Variants in MACF1 observed in about 807,000 individuals in gnomAD.
MACF1 encodes the protein microtubule-actin cross-linking factor 1.
MACF1 carries 193 observed loss-of-function variants against 854.8 expected under a neutral mutation model. That is an observed-to-expected ratio of 0.23 (90% confidence interval 0.20 to 0.25). The LOEUF (loss-of-function observed/expected upper bound fraction) is 0.25. Among genes scored for constraint, MACF1 ranks in the 10% least tolerant of loss-of-function variants. MACF1 has a pLI of 1.00. For synonymous variants in MACF1, 3,185 were observed against 3,226.7 expected (o/e 0.99, Z 0.44); for missense variants, 7,722 against 8,929.1 (o/e 0.86, Z 5.45).
At position 39,428,178 on chromosome 1, in the gene MACF1, A is replaced by G; in HGVS notation, c.16694A>G (p.Asp5565Gly). 2 of 1,614,112 alleles carry G rather than the reference A, an allele frequency of 1.2e-6. No individual in the cohort carries two copies. The highest frequency in any genetic ancestry group is 8.5e-7 in the Non-Finnish European group (1 of 1,180,008). Residue 5565 changes from aspartate to glycine, a missense_variant, in exon 63 of 101, where the codon GAT becomes GGT. This residue lies in a region of MACF1 where 2,807 missense variants were observed against 3,235.8 expected (regional missense o/e 0.87). Coordinates refer to ENST00000564288, the MANE Select transcript of MACF1 (RefSeq NM_001394062.1). ...ALSNARLFGE[D>G]EVEVLNWLAE... ...TCTAATGCTAGGCTGTTTGGGGAGG[A>G]TGAGGTGGAGGTGCTCAACTGGCTG...
chr1:39,170,957 C>CA (rs1349919023), intron 2 of MACF1, among the ~76,000 whole-genome samples: 2 of 152,204 alleles, frequency 1.3e-5, no homozygotes, highest in Non-Finnish European at 2.9e-5. Flanking sequence ...CGCCATAGCA[C>CA]ACACACCTGC....
chr1:39,257,915 G>T, intron 5 of MACF1, 21 bp from the exon 6 acceptor site: 1 of 1,575,488 alleles, frequency 6.3e-7, no homozygotes, highest in South Asian at 1.1e-5. Flanking sequence ...GCTCTGAGCC[G>T]TGCTTTTATT....
chr1:39,151,768 T>G (rs1200277796), intron 2 of MACF1, among the ~76,000 whole-genome samples: 2 of 152,122 alleles, frequency 1.3e-5, no homozygotes, highest in Non-Finnish European at 2.9e-5. Flanking sequence ...TTAGGTTACT[T>G]GTTTGTCTCC....
chr1:39,093,579 G>A (rs774807962), intron 2 of MACF1, among the ~76,000 whole-genome samples: 16 of 149,082 alleles, frequency 1.1e-4, no homozygotes, highest in African/African-American at 3.5e-4. Context: ...TCTGCCTGCC[G>A]GGTTCAAGTG....
At chr1:39,307,056 G>A (rs187129762) in intron 23 of MACF1, among the ~76,000 whole-genome samples, 3 of 151,732 alleles carry the variant, frequency 2.0e-5, no homozygotes, top group African/African-American at 7.2e-5. Context: ...TATATTTTTA[G>A]TAAAGACAGG....
At chr1:39,087,273 G>C (rs1641695577) in intron 2 of MACF1, among the ~76,000 whole-genome samples, 1 of 152,250 alleles carries the variant, frequency 6.6e-6, no homozygotes, top group Non-Finnish European at 1.5e-5. Context: ...GAAGCCAAGT[G>C]GGGGTGTCTG....
intron 95 of MACF1, among the ~76,000 whole-genome samples, chr1:39,466,230 T>C (rs557005930): frequency 6.6e-6 from 1 of 152,202 alleles, no homozygotes; most frequent in South Asian, 2.1e-4. Flanking sequence ...CTTAGGACTC[T>C]TATTTGTTCT....
intron 97 of MACF1, among the ~76,000 whole-genome samples, chr1:39,476,136 CAT>C (rs1257451841): frequency 1.3e-5 from 2 of 152,144 alleles, no homozygotes; most frequent in African/African-American, 4.8e-5. Context: ...TTAATATACT[CAT>C]ATTATTTTGG....
At chr1:39,363,919 C>T (rs1236856082) in intron 49 of MACF1, among the ~76,000 whole-genome samples, 1 of 152,084 alleles carries the variant, frequency 6.6e-6, no homozygotes. Flanking sequence ...GCCAACAAGA[C>T]TCATACGTGG....
intron 51 of MACF1, among the ~76,000 whole-genome samples, chr1:39,370,542 C>T (rs1413168033): frequency 6.6e-6 from 1 of 152,162 alleles, no homozygotes; most frequent in Non-Finnish European, 1.5e-5. Context: ...CCTCCCATTC[C>T]CTGCAAAATC....
At chr1:39,347,799 T>G (rs1647089111) in intron 41 of MACF1, among the ~76,000 whole-genome samples, 1 of 152,150 alleles carries the variant, frequency 6.6e-6, no homozygotes, top group African/African-American at 2.4e-5. Flanking sequence ...GCTTATTCGC[T>G]TATTCAATCA....
At chr1:39,156,698 T>C (rs1187520709) in intron 2 of MACF1, among the ~76,000 whole-genome samples, 1 of 152,224 alleles carries the variant, frequency 6.6e-6, no homozygotes, top group Non-Finnish European at 1.5e-5. Context: ...TCTGAAATCC[T>C]GGGATTGACT....
intron 2 of MACF1, among the ~76,000 whole-genome samples, chr1:39,088,651 G>A (rs1191484473): frequency 1.3e-5 from 2 of 152,186 alleles, no homozygotes; most frequent in Admixed American, 1.3e-4. Context: ...ACAAGGAAGT[G>A]GGGCGCTAGG....
chr1:39,317,983 AGAGAAGT>A (rs1646445331), intron 29 of MACF1, among the ~76,000 whole-genome samples: 2 of 152,218 alleles, frequency 1.3e-5, no homozygotes, highest in South Asian at 4.1e-4. Context: ...TGGTTAGACT[AGAGAAGT>A]GATATGACTT....
intron 66 of MACF1, among the ~76,000 whole-genome samples, chr1:39,432,208 G>A (rs540334708): frequency 6.6e-6 from 1 of 152,152 alleles, no homozygotes; most frequent in Admixed American, 6.5e-5. Flanking sequence ...TCCATGTCTG[G>A]GTAGGAAAGA....
In MACF1 at chr1:39,333,438, AC is replaced by A. The variant is rs1244499116; in HGVS notation, c.6852del (p.Leu2285Ter). The A allele has an allele frequency of 1.2e-6, 2 of 1,614,150 alleles. No homozygotes were observed. The highest frequency in any genetic ancestry group is 2.2e-5 in the South Asian group (2 of 91,078). On this transcript the variant is annotated frameshift_variant, in exon 37 of 101. Coordinates refer to ENST00000564288, the MANE Select transcript of MACF1 (RefSeq NM_001394062.1). LOFTEE classifies it high-confidence loss of function. ...TCCATTAGAATTGCTTGAAGAAGCT[AC>A]CTTAAATGTATTATCTGCACAGTTA... is the stretch of plus-strand genomic sequence containing the variant. The part of the protein sequence containing the change: ...SHPLELLEEA[T>X]LNVLSAQLLD...
rs143718205 is a variant in MACF1, at chr1:39,383,869, TC to T, written c.13849-1563del. Among the ~76,000 whole-genome samples the T allele has an allele frequency of 1.3e-4, 20 of 150,910 alleles. No individual in the cohort carries two copies. The East Asian group carries it at 3.9e-3, about 29-fold the overall frequency. ...TCCAGCCTGGGCAACAGAGCGAGAA[TC>T]CGTCTCAAAAAAAAAAAAGTGGCAT... On this transcript the variant is annotated intron_variant, in intron 56 of 100. Coordinates refer to ENST00000564288, the MANE Select transcript of MACF1 (RefSeq NM_001394062.1).
rs141560933 is a variant in MACF1, at chr1:39,382,067, T to A, written c.13763T>A (p.Leu4588Gln). 5.6e-6 allele frequency: 9 copies of A among 1,614,008 alleles called. 1 individual carries two copies. The African/African-American group carries it at 1.1e-4, about 19-fold the overall frequency. The change falls in exon 56 of 101, where the codon CTG becomes CAG. Residue 4588 changes from leucine (L) to glutamine (Q), a missense_variant. Transcript: ENST00000564288. ...QAAESQLRPWLMEKELMMGVL... is the reference protein window; with the variant it reads ...QAAESQLRPWQMEKELMMGVL... The stretch of plus-strand genomic sequence containing the variant: ...GCAGAATCCCAGCTCCGGCCGTGGC[T>A]GATGGAGAAAGAACTGATGATGGGA...
At chr1:39,343,354 T>A (rs928655378) in intron 40 of MACF1, among the ~76,000 whole-genome samples, 4 of 152,246 alleles carry the variant, frequency 2.6e-5, no homozygotes, top group Non-Finnish European at 5.9e-5. Flanking sequence ...ATCAACCTTA[T>A]ACACAATCTC....
Sources: gnomAD v4.1 joint callset for allele counts (sites outside exome capture counted in the v4.1 genomes callset) on GRCh38, gnomAD v4.1.1 for gene constraint, gnomAD v4.1.1 regional missense constraint, MANE v1.5 for transcripts, NCBI Gene and HGNC (gene_info 2026-07-23, HGNC 2026-07-21) for gene names.